Variants in ENTPD7 observed in about 807,000 individuals in gnomAD.
ENTPD7 encodes ectonucleoside triphosphate diphosphohydrolase 7.
A neutral mutation model predicts 77.9 loss-of-function variants in ENTPD7; 53 were observed. The ratio of observed to expected loss-of-function variants is 0.68; its 90% CI spans 0.55 to 0.85. The LOEUF (loss-of-function observed/expected upper bound fraction) is 0.85, where lower values mean the gene tolerates loss of function less well. Among genes scored for constraint, ENTPD7 ranks in the 40% least tolerant of loss-of-function variants. The probability of loss-of-function intolerance (pLI) is 0.00; values close to 1 mark genes in which losing one functional copy is unlikely to be tolerated. For missense variants in ENTPD7, 636 were observed against 743.7 expected, an observed-to-expected ratio of 0.86 and a Z score of 1.68; for synonymous variants, 248 against 274.9, an observed-to-expected ratio of 0.90 and a Z score of 0.97.
At chr10:99,662,715 T>C (rs182149241) in intron 3 of ENTPD7, among the ~76,000 whole-genome samples, 1 of 152,284 alleles carries the variant, frequency 6.6e-6, no homozygotes, top group African/African-American at 2.4e-5. Flanking sequence ...CATTGATTTA[T>C]TGAGGGAATT....
At chr10:99,698,411 C>T (rs903177340) in intron 9 of ENTPD7, 123 bp from the exon 10 acceptor site, 15 of 945,034 alleles carry the variant, frequency 1.6e-5, no homozygotes, top group African/African-American at 5.0e-5. Flanking sequence ...ACTCCATCCT[C>T]GTTTCTAGAG....
At chr10:99,667,983 G>C (rs2035572131) in intron 3 of ENTPD7, among the ~76,000 whole-genome samples, 2 of 121,748 alleles carry the variant, frequency 1.6e-5, no homozygotes, top group South Asian at 5.3e-4. Flanking sequence ...TGCCCAGGCT[G>C]GAGTGCAGTG....
intron 7 of ENTPD7, among the ~76,000 whole-genome samples, chr10:99,689,878 G>A (rs1440101549): frequency 6.6e-6 from 1 of 152,090 alleles, no homozygotes; most frequent in Non-Finnish European, 1.5e-5. Flanking sequence ...AACTTTTCTT[G>A]ATCAACTCTT....
rs759619517 is a variant in ENTPD7 at position 99,679,768 on chromosome 10, C to G, written c.441C>G (p.Tyr147Ter). 1 of 1,614,174 alleles carries G rather than the reference C, an allele frequency of 6.2e-7. No individual in the cohort carries two copies. Among genetic ancestry groups the G allele is most frequent in the South Asian group, 1.1e-5 (1 of 91,078 alleles). The change falls in exon 5 of 13, where the codon TAC (tyrosine) becomes TAG (stop). Residue 147 changes from tyrosine (Y) to a stop codon, truncating the protein, a stop_gained. Transcript: ENST00000370489. LOFTEE classifies it high-confidence loss of function. ...MADTPEHASD[Y>*]LRPLLSFAAA... Reference sequence around the variant, plus strand: ...ACACTCCAGAACATGCCAGTGATTACCTTCGTCCTCTGCTGAGCTTTGCTG... The same window carrying G: ...ACACTCCAGAACATGCCAGTGATTAGCTTCGTCCTCTGCTGAGCTTTGCTG...
At position 99,704,485 on chromosome 10, in the gene ENTPD7, T is replaced by C. The variant is rs2036207968; in HGVS notation, c.1617T>C (p.His539=). The C allele has an allele frequency of 3.1e-6, 5 of 1,614,104 alleles. No individual in the cohort carries two copies. Among genetic ancestry groups the C allele is most frequent in the East Asian group, 2.2e-5 (1 of 44,906 alleles). ...GGCAGGAAGGTGTCCGACAAGCCCA[T>C]GGTAGCTGGTTCCGTCTCTCCTTTG... ...DLRQEGVRQA[H]GSWFRLSFVY... Residue 539 remains histidine (H), a synonymous_variant, in exon 13 of 13, where the codon CAT becomes CAC. Coordinates refer to ENST00000370489, the MANE Select transcript of ENTPD7 (RefSeq NM_020354.5).
At chr10:99,693,242 T>C (rs535418633) in intron 8 of ENTPD7, among the ~76,000 whole-genome samples, 1 of 152,310 alleles carries the variant, frequency 6.6e-6, no homozygotes, top group South Asian at 2.1e-4. Context: ...AGAGCGTCTA[T>C]CTGGTCTTCT....
At chr10:99,702,375 C>A in intron 11 of ENTPD7, 137 bp from the exon 12 acceptor site, 1 of 625,258 alleles carries the variant, frequency 1.6e-6, no homozygotes, top group Non-Finnish European at 2.6e-6. Context: ...AGAAATAACC[C>A]ACTTAGAGGT....
chr10:99,699,497 G>A (rs1274708722), intron 10 of ENTPD7, among the ~76,000 whole-genome samples: 1 of 152,138 alleles, frequency 6.6e-6, no homozygotes, highest in Non-Finnish European at 1.5e-5. Flanking sequence ...TTTATTTAGG[G>A]CCATCTCTTT....
intron 2 of ENTPD7, 90 bp downstream of exon 2, chr10:99,660,054 T>G: frequency 6.3e-7 from 1 of 1,594,700 alleles, no homozygotes; most frequent in Non-Finnish European, 8.6e-7. Flanking sequence ...CAAGTGAGGT[T>G]TGCCCTGGAG....
intron 6 of ENTPD7, among the ~76,000 whole-genome samples, 178 bp downstream of exon 6, chr10:99,686,073 G>A (rs544437973): frequency 6.6e-6 from 1 of 152,158 alleles, no homozygotes; most frequent in East Asian, 1.9e-4. Flanking sequence ...CATCTGTTTA[G>A]AATGCTGGTT....
At chr10:99,697,036 G>T (rs1452280466) in intron 9 of ENTPD7, among the ~76,000 whole-genome samples, 1 of 152,192 alleles carries the variant, frequency 6.6e-6, no homozygotes, top group African/African-American at 2.4e-5. Context: ...ACGAACACTA[G>T]CTTGAAGAAG....
rs549203890 is a variant in ENTPD7 at position 99,664,671 on chromosome 10, G to A, written c.191+3043G>A. On this transcript the variant is annotated intron_variant, in intron 3 of 12. Transcript: ENST00000370489. ...TCACTGTGTTAGCCAGGATGGTCTC[G>A]ATCTCCTGACCTTGTGGTCTACCCA... Among the ~76,000 whole-genome samples, 8 of 150,420 alleles carry A rather than the reference G, an allele frequency of 5.3e-5. No homozygotes were observed. The South Asian group carries it at 6.4e-4, about 12-fold the overall frequency.
At chr10:99,677,932 G>C (rs1162179920) in intron 3 of ENTPD7, among the ~76,000 whole-genome samples, 1 of 152,038 alleles carries the variant, frequency 6.6e-6, no homozygotes, top group Non-Finnish European at 1.5e-5. Flanking sequence ...TTCAAACCTT[G>C]CTATGTTTCA....
chr10:99,674,187 A>C (rs1160150656), intron 3 of ENTPD7, among the ~76,000 whole-genome samples: 1 of 152,198 alleles, frequency 6.6e-6, no homozygotes, highest in Non-Finnish European at 1.5e-5. Flanking sequence ...TAAAGAGAAA[A>C]GGAAGGCTGT....
chr10:99,659,875 G>A lies in ENTPD7; in HGVS notation c.-82G>A. The A allele has an allele frequency of 6.3e-7, 1 of 1,595,828 alleles. No individual in the cohort carries two copies. Among genetic ancestry groups the A allele is most frequent in the Non-Finnish European group, 8.6e-7 (1 of 1,164,676 alleles). On this transcript the variant is annotated 5_prime_UTR_variant, in exon 2 of 13. Transcript: ENST00000370489. The surrounding 1 kb of genome is among the most constrained non-coding windows in gnomAD (Gnocchi z 4.1). ...AAATCTTTCTAGGCTGCAGACGTAG[G>A]AGATGCCTGGGACAAGGAGGCCACC...
At chr10:99,703,192 G>A (rs2036176856) in intron 12 of ENTPD7, among the ~76,000 whole-genome samples, 1 of 152,138 alleles carries the variant, frequency 6.6e-6, no homozygotes, top group Non-Finnish European at 1.5e-5. Flanking sequence ...TCAAACTCTG[G>A]TAGCCTGATA....
intron 10 of ENTPD7, among the ~76,000 whole-genome samples, chr10:99,699,283 G>T (rs4919384): frequency 0.86 from 130,786 of 152,176 alleles, 56,290 homozygotes; most frequent in Middle Eastern, 0.92. Context: ...TTTCTTTTGG[G>T]TTGAGGTATT....
At chr10:99,700,300 G>A (rs2036087105) in intron 10 of ENTPD7, among the ~76,000 whole-genome samples, 1 of 151,806 alleles carries the variant, frequency 6.6e-6, no homozygotes, top group African/African-American at 2.4e-5. Flanking sequence ...CCACCTTCTG[G>A]GACCACTCTA....
intron 8 of ENTPD7, among the ~76,000 whole-genome samples, chr10:99,695,320 C>A (rs990073683): frequency 6.6e-6 from 1 of 151,948 alleles, no homozygotes; most frequent in East Asian, 1.9e-4. Flanking sequence ...GTCAAGAGAT[C>A]GAGAACATCC....
Sources: gnomAD v4.1 joint callset for allele counts (sites outside exome capture counted in the v4.1 genomes callset) on GRCh38, gnomAD v4.1.1 for gene constraint, Gnocchi (gnomAD v3.1) non-coding constraint, MANE v1.5 for transcripts, NCBI Gene and HGNC (gene_info 2026-07-23, HGNC 2026-07-21) for gene names.